ARMH3: variants seen among roughly 807,000 people sequenced by gnomAD.
ARMH3 encodes armadillo like helical domain containing 3, also known as armadillo-like helical domain-containing protein 3.
A neutral mutation model predicts 99.1 loss-of-function variants in ARMH3; 60 were observed. The observed-to-expected ratio is 0.61, with a 90% CI of 0.49 to 0.75. The LOEUF (loss-of-function observed/expected upper bound fraction) is 0.75, where lower values mean the gene tolerates loss of function less well. Among genes scored for constraint, ARMH3 ranks in the 30% least tolerant of loss-of-function variants. ARMH3 has a pLI of 0.00. For missense variants in ARMH3, 679 were observed against 843.1 expected (o/e 0.81, Z 2.41); for synonymous variants, 285 against 292.8 (o/e 0.97, Z 0.27).
intron 6 of ARMH3, among the ~76,000 whole-genome samples, chr10:102,024,706 C>A (rs976921002): frequency 2.0e-5 from 3 of 151,510 alleles, no homozygotes. Context: ...GTAATCCCAG[C>A]TACTTGGGAG....
intron 24 of ARMH3, among the ~76,000 whole-genome samples, chr10:101,856,333 A>AT (rs2066736940): frequency 6.6e-6 from 1 of 152,176 alleles, no homozygotes; most frequent in African/African-American, 2.4e-5. Context: ...CTCAATACTC[A>AT]TTTTAGATGG....
rs763929355 is a variant in ARMH3 at position 102,012,892 on chromosome 10, T to C, written c.727-16A>G. 17 of 1,599,750 alleles carry C rather than the reference T, an allele frequency of 1.1e-5. No homozygotes were observed. The highest frequency in any genetic ancestry group is 9.0e-5 in the East Asian group (4 of 44,536). On this transcript the variant is annotated splice_polypyrimidine_tract_variant and intron_variant, in intron 9 of 25. Coordinates refer to ENST00000370033, the MANE Select transcript of ARMH3 (RefSeq NM_024541.3). ...GTCCCATTCCCTAGAAGGGAAAAGA[T>C]AGCACAGGTGAAATAAGACAGTAGC... is the stretch of plus-strand genomic sequence containing the variant.
At chr10:101,859,169 C>T (rs1238397591) in intron 24 of ARMH3, among the ~76,000 whole-genome samples, 1 of 152,190 alleles carries the variant, frequency 6.6e-6, no homozygotes, top group Non-Finnish European at 1.5e-5. Flanking sequence ...GAGTCAGCTG[C>T]TTAACTGACC....
At chr10:101,952,617 A>G (rs1844842505) in intron 22 of ARMH3, 2 of 152,232 alleles carry the variant, frequency 1.3e-5, no homozygotes, top group Admixed American at 1.3e-4. Context: ...AAGACTCATC[A>G]ATGGCAGTAG....
chr10:101,856,716 C>T (rs2066746152), intron 24 of ARMH3, among the ~76,000 whole-genome samples: 1 of 152,166 alleles, frequency 6.6e-6, no homozygotes, highest in East Asian at 1.9e-4. Flanking sequence ...TCTACTTTAG[C>T]TGTTTACTCA....
At chr10:101,866,655 C>T (rs537628064) in intron 24 of ARMH3, among the ~76,000 whole-genome samples, 53 of 152,048 alleles carry the variant, frequency 3.5e-4, no homozygotes, top group Non-Finnish European at 6.5e-4. Context: ...TACCTATAGA[C>T]TCTAATGTGA....
At chr10:102,028,706 A>G (rs2067056046) in intron 5 of ARMH3, among the ~76,000 whole-genome samples, 1 of 152,204 alleles carries the variant, frequency 6.6e-6, no homozygotes, top group Admixed American at 6.5e-5. Flanking sequence ...ATAGAGACAT[A>G]AAGCAGATTA....
intron 2 of ARMH3, among the ~76,000 whole-genome samples, chr10:102,038,590 C>A (rs949961717): frequency 1.3e-5 from 2 of 152,172 alleles, no homozygotes; most frequent in Non-Finnish European, 2.9e-5. Context: ...AGCTCCATCA[C>A]CTTCCAGCAG....
chr10:101,975,644 T>A lies in ARMH3; in HGVS notation c.1407-344A>T, dbSNP rs1845960864. On this transcript the variant is annotated intron_variant, in intron 19 of 25. Coordinates refer to ENST00000370033, the MANE Select transcript of ARMH3 (RefSeq NM_024541.3). Reference sequence around the variant, plus strand: ...ACTTTGGGAGGCCGAGGCAGGCAGATCACAAGGTCAGGAGTTTGAGACAAG... The same window carrying A: ...ACTTTGGGAGGCCGAGGCAGGCAGAACACAAGGTCAGGAGTTTGAGACAAG... Among the ~76,000 whole-genome samples the A allele has an allele frequency of 2.0e-5, 3 of 151,672 alleles. No individual in the cohort carries two copies. The South Asian group carries it at 6.3e-4, about 32-fold the overall frequency.
At chr10:102,031,770 C>T (rs1001476551) in intron 4 of ARMH3, among the ~76,000 whole-genome samples, 3 of 151,968 alleles carry the variant, frequency 2.0e-5, no homozygotes, top group Non-Finnish European at 4.4e-5. Context: ...GACGGAGTCT[C>T]GCTCTGTCGC....
intron 23 of ARMH3, among the ~76,000 whole-genome samples, chr10:101,905,750 A>T (rs562898163): frequency 4.6e-5 from 7 of 152,358 alleles, no homozygotes; most frequent in African/African-American, 1.4e-4. Context: ...AATGATGAAG[A>T]ATCAAGCAAG....
intron 24 of ARMH3, among the ~76,000 whole-genome samples, chr10:101,882,093 A>G (rs2067434055): frequency 2.6e-5 from 4 of 152,224 alleles, no homozygotes; most frequent in African/African-American, 9.6e-5. Context: ...GCACACTCAG[A>G]GGCAAAGAGC....
At position 101,876,166 on chromosome 10, in the gene ARMH3, T is replaced by C. The variant is rs1229301431; in HGVS notation, c.1860+13246A>G. On this transcript the variant is annotated intron_variant, in intron 24 of 25. Transcript: ENST00000370033. The stretch of plus-strand genomic sequence containing the variant: ...CAGGAGGCTGAGGCAGGAGAATTGC[T>C]TGAACCCGGAAGGCGGAGATTGCAG... Among the ~76,000 whole-genome samples the C allele has an allele frequency of 2.7e-5, 4 of 148,372 alleles. No homozygotes were observed. The Admixed American group carries it at 2.8e-4, about 10-fold the overall frequency.
chr10:101,994,762 C>T (rs1846975973), intron 16 of ARMH3, among the ~76,000 whole-genome samples: 1 of 152,174 alleles, frequency 6.6e-6, no homozygotes, highest in Admixed American at 6.5e-5. Flanking sequence ...CACTGCCGAG[C>T]ATGGTGGCTC....
chr10:101,960,406 T>G (rs1564795950), intron 20 of ARMH3, among the ~76,000 whole-genome samples: 1 of 152,214 alleles, frequency 6.6e-6, no homozygotes, highest in Non-Finnish European at 1.5e-5. Context: ...ATGGGAGTTT[T>G]AAGTCTGTGA....
At chr10:101,959,628 C>T (rs138223944) in intron 20 of ARMH3, among the ~76,000 whole-genome samples, 14 of 152,302 alleles carry the variant, frequency 9.2e-5, no homozygotes, top group Admixed American at 9.2e-4. Context: ...TGGACTACAG[C>T]TAGTCTTGAT....
intron 8 of ARMH3, among the ~76,000 whole-genome samples, chr10:102,014,732 T>C (rs1158441326): frequency 6.6e-6 from 1 of 152,186 alleles, no homozygotes; most frequent in Non-Finnish European, 1.5e-5. Context: ...TTCTTGGGTT[T>C]TTCCAGACCC....
At chr10:101,895,759 T>C (rs1359905762) in intron 23 of ARMH3, among the ~76,000 whole-genome samples, 1 of 151,974 alleles carries the variant, frequency 6.6e-6, no homozygotes, top group Admixed American at 6.6e-5. Context: ...TAAGAGAAAA[T>C]ATTTGCAAAT....
At chr10:101,920,957 C>CA (rs1301614121) in intron 23 of ARMH3, among the ~76,000 whole-genome samples, 1 of 151,978 alleles carries the variant, frequency 6.6e-6, no homozygotes, top group Non-Finnish European at 1.5e-5. Context: ...TATAGAGACT[C>CA]AAAGTAGAAT....
Sources: allele counts gnomAD v4.1 joint callset (sites outside exome capture counted in the v4.1 genomes callset), GRCh38; gene constraint gnomAD v4.1.1; transcripts MANE v1.5; gene names NCBI Gene and HGNC (gene_info 2026-07-23, HGNC 2026-07-21).